The following CELF2 variants were observed in gnomAD, a reference collection of about 807,000 sequenced individuals.
CELF2 encodes CUG triplet repeat RNA-binding protein 2.
CELF2 carries 8 observed loss-of-function variants against 62.6 expected under a neutral mutation model. That is an observed-to-expected ratio of 0.13 (90% CI 0.07 to 0.23). The LOEUF is 0.23. CELF2 is among the 10% of genes least tolerant of loss of function. The probability of loss-of-function intolerance (pLI) is 1.00; values close to 1 mark genes in which losing one functional copy is unlikely to be tolerated. For synonymous variants in CELF2, 258 were observed against 250.0 expected (o/e 1.03, Z -0.30); for missense variants, 333 against 671.0 (o/e 0.50, Z 5.56).
At chr10:10,789,140 G>A in the CELF2 span, 2 of 152,114 alleles carry the variant, frequency 1.3e-5, no homozygotes, top group Non-Finnish European at 2.9e-5. Context: ...AAATCCTGTT[G>A]CATTTTAATA....
chr10:10,881,438 A>G (rs907354825), intron 1 of CELF2, among the ~76,000 whole-genome samples: 4 of 152,192 alleles, frequency 2.6e-5, no homozygotes, highest in Non-Finnish European at 4.4e-5. Context: ...GAGTCTGGCT[A>G]GGGAGACCAG....
chr10:10,684,108 T>A, the CELF2 span, among the ~76,000 whole-genome samples: 1 of 152,220 alleles, frequency 6.6e-6, no homozygotes, highest in Non-Finnish European at 1.5e-5. Context: ...CAGGGATTCC[T>A]ACCTCGGGAT....
chr10:11,061,814 ATTTG>A (rs554234739), intron 1 of CELF2, among the ~76,000 whole-genome samples: 184 of 152,264 alleles, frequency 1.2e-3, no homozygotes, highest in African/African-American at 4.1e-3. Context: ...TGAATTTTTT[ATTTG>A]TTTGTTTTAA....
chr10:11,165,677 G>A lies in CELF2; in HGVS notation c.266G>A (p.Ser89Asn), dbSNP rs1596466085. 1 of 1,612,622 alleles carries A rather than the reference G, an allele frequency of 6.2e-7. No individual in the cohort carries two copies. The highest frequency in any genetic ancestry group is 8.5e-7 in the Non-Finnish European group (1 of 1,179,290). The stretch of plus-strand genomic sequence containing the variant: ...GACCGGAGTCAGAACCCTCCGCAGA[G>A]TAAAGGTACAGAGCGCGGGGCGGGG... The part of the protein sequence containing the change: ...LRDRSQNPPQ[S>N]KGCCFVTFYT... The change falls in exon 2 of 13, where the codon AGT becomes AAT. Residue 89 changes from serine to asparagine, a missense_variant. Ser to Asn is a conservative substitution (Grantham distance 46). Transcript: ENST00000633077. This position sits in a 1 kb window ranked among gnomAD's most constrained non-coding sequence, Gnocchi z 7.4.
chr10:11,245,450 G>C (rs1240245066), intron 3 of CELF2, among the ~76,000 whole-genome samples: 1 of 152,198 alleles, frequency 6.6e-6, no homozygotes, highest in Non-Finnish European at 1.5e-5. Context: ...TATCTAGCTT[G>C]TCTTCAGAAC....
rs182306787 is a variant in CELF2 at position 11,155,177 on chromosome 10, A to G, written c.75-10309A>G. On this transcript the variant is annotated intron_variant, in intron 1 of 12. Transcript: ENST00000633077. ...AGGAATGCTTCTTACAACAAGTTAT[A>G]TATTTCCCGGCCTCCTTAAGCAGAA... Among the ~76,000 whole-genome samples, 22 of 152,330 alleles carry G rather than the reference A, an allele frequency of 1.4e-4. No homozygotes were observed. In the East Asian group the frequency reaches 3.3e-3, roughly 23 times the overall value.
rs532095985 is a variant in CELF2 at position 11,318,500 on chromosome 10, G to A, written c.1097-2689G>A. The stretch of plus-strand genomic sequence containing the variant: ...GCACAGCACCAGCAGAAGTAAACAC[G>A]ACCCTTCCAGAAAGCAGATTAGCTC... On this transcript the variant is annotated intron_variant, in intron 10 of 12. Coordinates refer to ENST00000633077, the MANE Select transcript of CELF2 (RefSeq NM_001326342.2). This position sits in a 1 kb window ranked among gnomAD's most constrained non-coding sequence, Gnocchi z 5.4. 5.2e-5 allele frequency: 18 copies of A among 346,586 alleles called. No homozygotes were observed. The highest frequency in any genetic ancestry group is 8.5e-5 in the Non-Finnish European group (15 of 176,010). The allele number at this position is 346,586 out of a possible 1,614,324, so 21.5% of individuals were successfully genotyped here.
At chr10:10,528,369 C>A in the CELF2 span, among the ~76,000 whole-genome samples, 2 of 152,166 alleles carry the variant, frequency 1.3e-5, no homozygotes, top group Non-Finnish European at 2.9e-5. Context: ...TTCACCATGA[C>A]CCTGTAGGCT....
rs901076405 is a variant in CELF2 at position 11,090,568 on chromosome 10, T to A, written c.74+72405T>A. 2.0e-5 allele frequency among the ~76,000 whole-genome samples: 3 copies of A among 152,206 alleles called. No homozygotes were observed. In the East Asian group the frequency reaches 5.8e-4, roughly 29 times the overall value. ...GAAAGATTGATTTTTAATTTGGAAA[T>A]GTACATATTGAAATTATAGCATTAT... On this transcript the variant is annotated intron_variant, in intron 1 of 12. Coordinates refer to ENST00000633077, the MANE Select transcript of CELF2 (RefSeq NM_001326342.2).
chr10:10,981,777 C>A (rs1455431448), intron 2 of CELF2, among the ~76,000 whole-genome samples: 1 of 152,070 alleles, frequency 6.6e-6, no homozygotes, highest in African/African-American at 2.4e-5. Context: ...CATGTATTTC[C>A]TCACTTAATT....
chr10:10,744,912 A>G, the CELF2 span, among the ~76,000 whole-genome samples: 1 of 152,090 alleles, frequency 6.6e-6, no homozygotes, highest in African/African-American at 2.4e-5. Flanking sequence ...CATTTTACCA[A>G]TCTTTCCTGT....
At chr10:10,927,661 TCAAGCACCTCTCCCA>T (rs945928920) in intron 2 of CELF2, among the ~76,000 whole-genome samples, 3 of 152,100 alleles carry the variant, frequency 2.0e-5, no homozygotes, top group African/African-American at 7.2e-5. Flanking sequence ...ACTCTGGGCC[TCAAGCACCTCTCCCA>T]CCTTGGCCTC....
intron 1 of CELF2, chr10:11,030,452 C>T (rs773156917): frequency 2.0e-5 from 3 of 152,172 alleles, no homozygotes; most frequent in Non-Finnish European, 2.9e-5. Flanking sequence ...CTCTGTTCCT[C>T]GTCTCCAAAG....
chr10:10,499,755 G>A, the CELF2 span, among the ~76,000 whole-genome samples: 209 of 152,318 alleles, frequency 1.4e-3, 1 homozygote, highest in Non-Finnish European at 2.4e-3. Context: ...GCATGCGCCT[G>A]TAATCCCAGC....
chr10:10,520,188 C>T, the CELF2 span, among the ~76,000 whole-genome samples: 2 of 152,138 alleles, frequency 1.3e-5, no homozygotes, highest in African/African-American at 4.8e-5. Flanking sequence ...CTTAAAAGAC[C>T]TATGGAGAAA....
intron 2 of CELF2, among the ~76,000 whole-genome samples, chr10:11,179,484 G>T (rs72773988): frequency 0.017 from 2,606 of 152,294 alleles, 31 homozygotes; most frequent in Non-Finnish European, 0.024. Context: ...AAAAGTAGCT[G>T]CAGATTGAAC....
chr10:10,764,694 T>C, the CELF2 span, among the ~76,000 whole-genome samples: 1 of 152,188 alleles, frequency 6.6e-6, no homozygotes. Flanking sequence ...TTTTTAATAA[T>C]CTTATAAATC....
At chr10:11,037,536 A>C (rs528818570) in intron 1 of CELF2, among the ~76,000 whole-genome samples, 1 of 152,182 alleles carries the variant, frequency 6.6e-6, no homozygotes, top group African/African-American at 2.4e-5. Flanking sequence ...TGAGTCAGCC[A>C]TGGTAGATAG....
At chr10:10,975,991 G>T (rs1485492107) in intron 2 of CELF2, among the ~76,000 whole-genome samples, 2 of 152,238 alleles carry the variant, frequency 1.3e-5, no homozygotes, top group African/African-American at 2.4e-5. Context: ...AGAACTTTCT[G>T]GGAAAGGGGC....
Sources: gnomAD v4.1 joint callset for allele counts (sites outside exome capture counted in the v4.1 genomes callset) on GRCh38, gnomAD v4.1.1 for gene constraint, Gnocchi (gnomAD v3.1) non-coding constraint, MANE v1.5 for transcripts, NCBI Gene and HGNC (gene_info 2026-07-23, HGNC 2026-07-21) for gene names.